Variants in DLG2 observed in about 807,000 individuals in gnomAD.
DLG2 encodes the protein disks large homolog 2.
Under a neutral mutation model 132.5 loss-of-function variants are expected in DLG2, and 45 were observed. The ratio of observed to expected loss-of-function variants is 0.34; its 90% confidence interval spans 0.27 to 0.44. DLG2 has a LOEUF of 0.44. Among genes scored for constraint, DLG2 ranks in the 20% least tolerant of loss-of-function variants. The probability of loss-of-function intolerance (pLI) is 1.00; values close to 1 mark genes in which losing one functional copy is unlikely to be tolerated. For synonymous variants in DLG2, 424 were observed against 419.6 expected (o/e 1.01, Z -0.13); for missense variants, 1,045 against 1,196.9 (o/e 0.87, Z 1.87).
intron 19 of DLG2, among the ~76,000 whole-genome samples, chr11:83,568,547 A>T (rs1302597581): frequency 6.6e-6 from 1 of 152,170 alleles, no homozygotes; most frequent in Non-Finnish European, 1.5e-5. Flanking sequence ...AAAGTAAGGA[A>T]AAAAGCTGAA....
intron 7 of DLG2, among the ~76,000 whole-genome samples, chr11:84,343,563 A>G (rs2098525501): frequency 6.6e-6 from 1 of 152,220 alleles, no homozygotes; most frequent in Non-Finnish European, 1.5e-5. Context: ...TGGAAACATC[A>G]GATGTTTAAC....
At chr11:85,215,960 A>G (rs943037544) in intron 4 of DLG2, among the ~76,000 whole-genome samples, 2 of 151,930 alleles carry the variant, frequency 1.3e-5, no homozygotes, top group African/African-American at 4.8e-5. Flanking sequence ...CCTAAATTCT[A>G]GTGAAGAAGG....
chr11:84,850,985 A>C (rs988596861), intron 6 of DLG2, among the ~76,000 whole-genome samples: 5 of 152,160 alleles, frequency 3.3e-5, no homozygotes, highest in African/African-American at 1.2e-4. Flanking sequence ...TACAAATTTC[A>C]TGCAATCTTT....
intron 6 of DLG2, chr11:84,545,752 T>TC: frequency 2.8e-5 from 1 of 35,858 alleles, no homozygotes; most frequent in South Asian, 6.5e-4. Context: ...GGTGATGTTC[T>TC]TTTTTTTTTT....
At chr11:84,705,549 T>C (rs989489700) in intron 6 of DLG2, among the ~76,000 whole-genome samples, 6 of 151,774 alleles carry the variant, frequency 4.0e-5, no homozygotes, top group African/African-American at 1.5e-4. Context: ...TATTTTAAGA[T>C]GGATTTAAAC....
chr11:84,260,077 G>A (rs1270829046), intron 7 of DLG2, among the ~76,000 whole-genome samples: 2 of 152,068 alleles, frequency 1.3e-5, no homozygotes, highest in Admixed American at 6.6e-5. Flanking sequence ...AAAATATTTT[G>A]CAGAAAATAA....
At chr11:84,402,787 CAGG>C (rs1157997720) in intron 7 of DLG2, among the ~76,000 whole-genome samples, 1 of 148,786 alleles carries the variant, frequency 6.7e-6, no homozygotes, top group East Asian at 2.0e-4. Flanking sequence ...GAGGCTGAGG[CAGG>C]AGAATGGCGT....
chr11:85,522,163 C>T (rs1323259331), intron 3 of DLG2, among the ~76,000 whole-genome samples: 1 of 152,098 alleles, frequency 6.6e-6, no homozygotes, highest in African/African-American at 2.4e-5. Context: ...GGACTGTGTC[C>T]CAGCCACTCC....
intron 9 of DLG2, among the ~76,000 whole-genome samples, chr11:84,106,470 T>C (rs992233504): frequency 7.9e-5 from 12 of 152,240 alleles, no homozygotes; most frequent in African/African-American, 2.9e-4. Context: ...ATTTAGTTTT[T>C]AAATGCTATC....
chr11:85,365,119 T>C lies in DLG2; in HGVS notation c.41-79754A>G, dbSNP rs1388340942. On this transcript the variant is annotated intron_variant, in intron 3 of 27. Coordinates refer to ENST00000376104, the MANE Select transcript of DLG2 (RefSeq NM_001142699.3). ...AATTATTTAGTCACAAGAATTGTTG[T>C]TTATAAAAATCTAACTTAAAAAAAA... Among the ~76,000 whole-genome samples the C allele has an allele frequency of 2.6e-5, 4 of 152,158 alleles. No individual in the cohort carries two copies. The South Asian group carries it at 8.3e-4, about 31-fold the overall frequency.
At chr11:85,063,240 T>C (rs2064370892) in intron 6 of DLG2, among the ~76,000 whole-genome samples, 1 of 151,798 alleles carries the variant, frequency 6.6e-6, no homozygotes, top group African/African-American at 2.4e-5. Flanking sequence ...CCCCATAGGA[T>C]CAGCTGAGGC....
intron 6 of DLG2, among the ~76,000 whole-genome samples, chr11:84,803,385 A>C (rs1012528404): frequency 2.0e-5 from 3 of 152,154 alleles, no homozygotes; most frequent in Non-Finnish European, 4.4e-5. Context: ...AAAATAGGAG[A>C]CTATGAATAG....
intron 18 of DLG2, among the ~76,000 whole-genome samples, chr11:83,782,112 A>C (rs1227931303): frequency 6.6e-6 from 1 of 152,162 alleles, no homozygotes; most frequent in Non-Finnish European, 1.5e-5. Context: ...AGGTTTTATG[A>C]CTGAAAACCA....
chr11:84,909,581 A>G (rs1006612733), intron 6 of DLG2, among the ~76,000 whole-genome samples: 2 of 152,082 alleles, frequency 1.3e-5, no homozygotes, highest in Non-Finnish European at 2.9e-5. Flanking sequence ...TTCTTCTGCA[A>G]TTTCTTCTGG....
At chr11:83,589,526 C>G (rs1040211884) in intron 19 of DLG2, among the ~76,000 whole-genome samples, 2 of 152,102 alleles carry the variant, frequency 1.3e-5, no homozygotes, top group Non-Finnish European at 2.9e-5. Flanking sequence ...GAACCAGCCA[C>G]TGCAAAATCA....
intron 16 of DLG2, among the ~76,000 whole-genome samples, chr11:83,836,379 T>C (rs1215744504): frequency 6.6e-6 from 1 of 152,148 alleles, no homozygotes; most frequent in Non-Finnish European, 1.5e-5. Flanking sequence ...AAGGTACCCA[T>C]TTCCTTGCTG....
At chr11:84,015,693 T>C (rs1021342940) in intron 11 of DLG2, among the ~76,000 whole-genome samples, 2 of 152,170 alleles carry the variant, frequency 1.3e-5, no homozygotes, top group Non-Finnish European at 2.9e-5. Context: ...GCTCCATCCA[T>C]GTCCCTGCAA....
intron 6 of DLG2, among the ~76,000 whole-genome samples, chr11:84,726,030 A>C (rs1444309191): frequency 2.0e-5 from 3 of 152,096 alleles, no homozygotes; most frequent in Non-Finnish European, 2.9e-5. Context: ...ACACAAATGC[A>C]ATGATACATT....
intron 3 of DLG2, among the ~76,000 whole-genome samples, chr11:85,285,759 A>T (rs1285377522): frequency 2.0e-5 from 3 of 152,046 alleles, no homozygotes; most frequent in African/African-American, 7.2e-5. Flanking sequence ...CCTATATAGC[A>T]TCTGGAAAAA....
Sources: allele counts gnomAD v4.1 joint callset (sites outside exome capture counted in the v4.1 genomes callset), GRCh38; gene constraint gnomAD v4.1.1; transcripts MANE v1.5; gene names NCBI Gene and HGNC (gene_info 2026-07-23, HGNC 2026-07-21).